RPTOR: variants seen among roughly 807,000 people sequenced by gnomAD.
The protein encoded by RPTOR is regulatory-associated protein of mTOR.
A neutral mutation model predicts 169.9 loss-of-function variants in RPTOR; 21 were observed. That is an observed-to-expected ratio of 0.12 (90% CI 0.09 to 0.18). The LOEUF (loss-of-function observed/expected upper bound fraction) is 0.18, where lower values mean the gene tolerates loss of function less well. Among genes scored for constraint, RPTOR ranks in the 10% least tolerant of loss-of-function variants. The probability of loss-of-function intolerance (pLI) is 1.00; values close to 1 mark genes in which losing one functional copy is unlikely to be tolerated. For missense variants in RPTOR, 1,133 were observed against 1,855.9 expected (o/e 0.61, Z 7.16); for synonymous variants, 732 against 753.2 (o/e 0.97, Z 0.46).
At chr17:80,624,855 A>G (rs889187534) in intron 1 of RPTOR, among the ~76,000 whole-genome samples, 1 of 152,178 alleles carries the variant, frequency 6.6e-6, no homozygotes, top group Admixed American at 6.5e-5. Flanking sequence ...AGTGGACTTG[A>G]GTCTCTAGCC....
intron 3 of RPTOR, among the ~76,000 whole-genome samples, chr17:80,653,630 G>A (rs915814840): frequency 2.0e-5 from 3 of 152,220 alleles, no homozygotes; most frequent in Admixed American, 1.3e-4. Flanking sequence ...AGTGGACTGG[G>A]AGCTTGGCAG....
chr17:80,871,600 C>T (rs1454486354), intron 13 of RPTOR, among the ~76,000 whole-genome samples: 42 of 152,180 alleles, frequency 2.8e-4, no homozygotes, highest in Admixed American at 2.7e-3. Flanking sequence ...AAGGAAGTCG[C>T]TTGGATGTGC....
At position 80,964,851 on chromosome 17, in the gene RPTOR, A is replaced by T. The variant is rs186215425; in HGVS notation, c.*521A>T. Reference sequence around the variant, plus strand: ...ACGCAAGCAGGGACATTTCCTAGCCAGCTGGGGGACACTGGAAATTCGGGA... The same window carrying T: ...ACGCAAGCAGGGACATTTCCTAGCCTGCTGGGGGACACTGGAAATTCGGGA... On this transcript the variant is annotated 3_prime_UTR_variant, in exon 34 of 34. Transcript: ENST00000306801. 6.0e-5 allele frequency: 14 copies of T among 234,094 alleles called. No individual in the cohort carries two copies. The East Asian group carries it at 8.4e-4, about 14-fold the overall frequency. 14.5% of individuals were successfully genotyped at this position (234,094 alleles called of 1,614,324 possible). A position where few individuals can be genotyped will look rare whatever the true frequency, so the allele number is the denominator to read the frequency against.
intron 23 of RPTOR, 158 bp downstream of exon 23, chr17:80,923,831 C>A: frequency 1.3e-6 from 1 of 787,508 alleles, no homozygotes; most frequent in South Asian, 1.9e-5. Context: ...CCTTTGCAGA[C>A]CCGGGTGCTG....
chr17:80,807,375 G>A (rs1210051379), intron 7 of RPTOR, among the ~76,000 whole-genome samples: 1 of 151,950 alleles, frequency 6.6e-6, no homozygotes, highest in Non-Finnish European at 1.5e-5. Flanking sequence ...GGGGAACGGA[G>A]TCTCACTCTT....
intron 4 of RPTOR, among the ~76,000 whole-genome samples, chr17:80,717,091 T>G (rs527946210): frequency 6.6e-6 from 1 of 152,228 alleles, no homozygotes; most frequent in Non-Finnish European, 1.5e-5. Flanking sequence ...AATTGTTTTT[T>G]CTAATTCTGT....
chr17:80,583,180 C>CTTTTT (rs1398903636), intron 1 of RPTOR, among the ~76,000 whole-genome samples: 4 of 83,762 alleles, frequency 4.8e-5, no homozygotes, highest in African/African-American at 2.3e-4. Context: ...TGCCTCTTTC[C>CTTTTT]TGTTTTTTTT....
At chr17:80,857,134 C>T (rs1435178039) in intron 12 of RPTOR, among the ~76,000 whole-genome samples, 1 of 152,224 alleles carries the variant, frequency 6.6e-6, no homozygotes, top group African/African-American at 2.4e-5. Flanking sequence ...AGTACTTTGC[C>T]AGGCATCCTC....
At chr17:80,846,340 G>T in intron 10 of RPTOR, 133 bp from the exon 11 acceptor site, 1 of 827,670 alleles carries the variant, frequency 1.2e-6, no homozygotes, top group Admixed American at 2.2e-5. Flanking sequence ...CTTCTCAGCC[G>T]CCTGGCATCC....
In RPTOR at chr17:80,700,460, G is replaced by A. The variant is rs62067886; in HGVS notation, c.349-7381G>A. Among the ~76,000 whole-genome samples, 474 of 115,100 alleles carry A rather than the reference G, an allele frequency of 4.1e-3. 1 individual carries two copies. Among genetic ancestry groups the A allele is most frequent in the Non-Finnish European group, 6.6e-3 (357 of 53,762 alleles). The allele number at this position is 115,100 out of a possible 152,430, so 75.5% of individuals were successfully genotyped here. A position where few individuals can be genotyped will look rare whatever the true frequency, so the allele number is the denominator to read the frequency against. Reference sequence around the variant, plus strand: ...TATGATGGTGGTGGTGGTGATGGTGGTGGTGGTGGTGGTGGTGATGATGGT... The same window carrying A: ...TATGATGGTGGTGGTGGTGATGGTGATGGTGGTGGTGGTGGTGATGATGGT... On this transcript the variant is annotated intron_variant, in intron 3 of 33. Transcript: ENST00000306801.
At chr17:80,921,936 A>C (rs2068750009) in intron 21 of RPTOR, among the ~76,000 whole-genome samples, 1 of 152,156 alleles carries the variant, frequency 6.6e-6, no homozygotes, top group Non-Finnish European at 1.5e-5. Context: ...GCCCGTGGGA[A>C]AGGATGACCA....
chr17:80,623,527 G>T (rs1184571139), intron 1 of RPTOR, among the ~76,000 whole-genome samples: 1 of 151,760 alleles, frequency 6.6e-6, no homozygotes, highest in Non-Finnish European at 1.5e-5. Context: ...AATATTTATC[G>T]TTTTCTTTTT....
At chr17:80,887,772 G>C (rs1322203534) in intron 17 of RPTOR, among the ~76,000 whole-genome samples, 1 of 152,226 alleles carries the variant, frequency 6.6e-6, no homozygotes, top group East Asian at 1.9e-4. Context: ...TCTCCTGTGT[G>C]GGGTGATAAC....
Position 80,936,875 on chromosome 17 carries a change from A to AG in RPTOR, c.2920-3620dup, listed in dbSNP as rs2068961078. 6.6e-6 allele frequency among the ~76,000 whole-genome samples: 1 copy of AG among 152,314 alleles called. No individual in the cohort carries two copies. Among genetic ancestry groups the AG allele is most frequent in the South Asian group, 2.1e-4 (1 of 4,822 alleles). On this transcript the variant is annotated intron_variant, in intron 24 of 33. Coordinates refer to ENST00000306801, the MANE Select transcript of RPTOR (RefSeq NM_020761.3). This position sits in a 1 kb window ranked among gnomAD's most constrained non-coding sequence, Gnocchi z 4.1. ...CATTCAGAGCTTCTCCCCCCTCCAC[A>AG]GCTTGGCGATTTGTGGTAACACAAA... is the stretch of plus-strand genomic sequence containing the variant.
At chr17:80,961,654 G>A (rs2069343346) in intron 31 of RPTOR, 174 bp downstream of exon 31, 5 of 719,704 alleles carry the variant, frequency 6.9e-6, no homozygotes, top group Non-Finnish European at 1.1e-5. Flanking sequence ...GGGGCCCAGG[G>A]GCCACAGCTG....
chr17:80,737,046 C>T (rs1303105570), intron 5 of RPTOR, among the ~76,000 whole-genome samples: 2 of 152,178 alleles, frequency 1.3e-5, no homozygotes, highest in Non-Finnish European at 2.9e-5. Flanking sequence ...TATTAATTTT[C>T]AAGTGATATT....
At chr17:80,842,870 C>G (rs1420725024) in intron 10 of RPTOR, among the ~76,000 whole-genome samples, 1 of 152,148 alleles carries the variant, frequency 6.6e-6, no homozygotes, top group East Asian at 1.9e-4. Flanking sequence ...CACTGAGGAC[C>G]GTGTCCGCGT....
chr17:80,726,853 G>T lies in RPTOR; in HGVS notation c.508-3707G>T, dbSNP rs889573838. On this transcript the variant is annotated intron_variant, in intron 4 of 33. Coordinates refer to ENST00000306801, the MANE Select transcript of RPTOR (RefSeq NM_020761.3). This position sits in a 1 kb window ranked among gnomAD's most constrained non-coding sequence, Gnocchi z 4.5. ...CCAAAATCCTTTCTCCTGTCAGCGT[G>T]GGGGGTGATCCTGCCCAATTAAAGG... Among the ~76,000 whole-genome samples the T allele has an allele frequency of 6.6e-6, 1 of 152,168 alleles. No individual in the cohort carries two copies. The highest frequency in any genetic ancestry group is 1.5e-5 in the Non-Finnish European group (1 of 68,020).
chr17:80,713,435 C>T (rs959883249), intron 4 of RPTOR, among the ~76,000 whole-genome samples: 7 of 152,122 alleles, frequency 4.6e-5, no homozygotes, highest in Non-Finnish European at 7.3e-5. Flanking sequence ...AGTGGATGTT[C>T]GCTTTTTGAC....
Sources: allele counts gnomAD v4.1 joint callset (sites outside exome capture counted in the v4.1 genomes callset), GRCh38; gene constraint gnomAD v4.1.1; non-coding constraint Gnocchi (gnomAD v3.1); transcripts MANE v1.5; gene names NCBI Gene and HGNC (gene_info 2026-07-23, HGNC 2026-07-21).